Variants in KCNMB4 observed in about 807,000 individuals in gnomAD.
KCNMB4 encodes the protein potassium calcium-activated channel subfamily M regulatory beta subunit 4.
Under a neutral mutation model 20.7 loss-of-function variants are expected in KCNMB4, and 3 were observed. That is an observed-to-expected ratio of 0.14 (90% CI 0.07 to 0.37). The LOEUF is 0.37. KCNMB4 is among the 10% of genes least tolerant of loss of function. The pLI is 1.00. For synonymous variants in KCNMB4, 110 were observed against 113.4 expected (o/e 0.97, Z 0.19); for missense variants, 168 against 265.9 (o/e 0.63, Z 2.56).
intron 1 of KCNMB4, among the ~76,000 whole-genome samples, chr12:70,370,637 A>G (rs960246857): frequency 2.6e-5 from 4 of 151,888 alleles, no homozygotes; most frequent in Non-Finnish European, 5.9e-5. Flanking sequence ...AGTCGGTATA[A>G]AAGGAAATTC....
chr12:70,395,190 T>C (rs1282333203), intron 1 of KCNMB4, among the ~76,000 whole-genome samples: 1 of 147,856 alleles, frequency 6.8e-6, no homozygotes. Flanking sequence ...TATTTGGAAA[T>C]CATTTAATCA....
At chr12:70,423,822 C>T (rs1869135125) in intron 2 of KCNMB4, among the ~76,000 whole-genome samples, 1 of 152,114 alleles carries the variant, frequency 6.6e-6, no homozygotes, top group Admixed American at 6.5e-5. Context: ...TTGGTAGACC[C>T]CAGTGGGCAA....
chr12:70,380,454 G>A (rs971366865), intron 1 of KCNMB4, among the ~76,000 whole-genome samples: 1 of 151,948 alleles, frequency 6.6e-6, no homozygotes, highest in Non-Finnish European at 1.5e-5. Flanking sequence ...GCATGCTGTT[G>A]GAAAAAATGG....
Position 70,409,832 on chromosome 12 carries a change from C to T in KCNMB4, c.464+9496C>T, listed in dbSNP as rs185769777. ...AAAAAGAGCTTGGTGGTTTTAGGTA[C>T]TGGAAGGCCAGTGTGTCAGGAGAAC... On this transcript the variant is annotated intron_variant, in intron 2 of 2. Coordinates refer to ENST00000258111, the MANE Select transcript of KCNMB4 (RefSeq NM_014505.6). 1.2e-4 allele frequency among the ~76,000 whole-genome samples: 19 copies of T among 152,306 alleles called. No homozygotes were observed. In the East Asian group the frequency reaches 3.5e-3, roughly 28 times the overall value.
chr12:70,383,169 A>G (rs894190167), intron 1 of KCNMB4, among the ~76,000 whole-genome samples: 1 of 152,252 alleles, frequency 6.6e-6, no homozygotes, highest in African/African-American at 2.4e-5. Context: ...GATCATAACT[A>G]TGTAAGGTGA....
At chr12:70,400,477 T>C in intron 2 of KCNMB4, 141 bp downstream of exon 2, 1 of 818,844 alleles carries the variant, frequency 1.2e-6, no homozygotes, top group Non-Finnish European at 1.9e-6. Context: ...GAAACCCATA[T>C]AATGAATCTG....
At chr12:70,420,886 G>A (rs1000328984) in intron 2 of KCNMB4, among the ~76,000 whole-genome samples, 8 of 151,780 alleles carry the variant, frequency 5.3e-5, no homozygotes, top group African/African-American at 9.7e-5. Context: ...GTGAAACCCC[G>A]TCTCTACTAA....
chr12:70,414,442 C>T (rs888107146), intron 2 of KCNMB4, among the ~76,000 whole-genome samples: 2 of 152,108 alleles, frequency 1.3e-5, no homozygotes, highest in African/African-American at 4.8e-5. Flanking sequence ...TAGGGAGGAG[C>T]AGTGTCAGGA....
chr12:70,381,207 C>T (rs1340118442), intron 1 of KCNMB4, among the ~76,000 whole-genome samples: 3 of 151,988 alleles, frequency 2.0e-5, no homozygotes, highest in Admixed American at 6.6e-5. Context: ...AATACCACTT[C>T]AGATCCATTA....
chr12:70,399,087 C>G (rs575909722), intron 1 of KCNMB4, among the ~76,000 whole-genome samples: 1 of 152,210 alleles, frequency 6.6e-6, no homozygotes, highest in African/African-American at 2.4e-5. Context: ...ATGGCTGCAT[C>G]CCAGAATTAA....
Position 70,405,505 on chromosome 12 carries a change from G to A in KCNMB4, c.464+5169G>A, listed in dbSNP as rs558399549. The stretch of plus-strand genomic sequence containing the variant: ...AAAAGACAGGTATTGGTGAGGATAC[G>A]GACAAATTGGAACCCTTGCATACCG... On this transcript the variant is annotated intron_variant, in intron 2 of 2. Coordinates refer to ENST00000258111, the MANE Select transcript of KCNMB4 (RefSeq NM_014505.6). Among the ~76,000 whole-genome samples, 364 of 152,240 alleles carry A rather than the reference G, an allele frequency of 2.4e-3. 1 individual carries two copies. The highest frequency in any genetic ancestry group is 8.4e-3 in the African/African-American group (350 of 41,548).
intron 1 of KCNMB4, among the ~76,000 whole-genome samples, chr12:70,394,487 C>A (rs1278733225): frequency 6.6e-6 from 1 of 152,134 alleles, no homozygotes; most frequent in Non-Finnish European, 1.5e-5. Context: ...ATTTAGCTTT[C>A]AGATGTGGAT....
chr12:70,422,710 T>A (rs1395312503), intron 2 of KCNMB4: 27 of 1,289,176 alleles, frequency 2.1e-5, no homozygotes, highest in Non-Finnish European at 2.7e-5. Context: ...TTTGCAGGTC[T>A]TGATGATTAC....
chr12:70,391,877 T>C (rs710656), intron 1 of KCNMB4, among the ~76,000 whole-genome samples: 86,623 of 152,032 alleles, frequency 0.57, 26,004 homozygotes, highest in African/African-American at 0.77. Flanking sequence ...AAGCTAGACC[T>C]CCACCTCTCA....
intron 1 of KCNMB4, among the ~76,000 whole-genome samples, chr12:70,390,566 A>G (rs2136124542): frequency 6.6e-6 from 1 of 151,242 alleles, no homozygotes; most frequent in African/African-American, 2.5e-5. Flanking sequence ...CTTGTTTGTT[A>G]TTGAAGCCAC....
At chr12:70,389,865 T>C (rs1868285960) in intron 1 of KCNMB4, among the ~76,000 whole-genome samples, 1 of 152,172 alleles carries the variant, frequency 6.6e-6, no homozygotes, top group Admixed American at 6.5e-5. Context: ...TTTGTTTTGT[T>C]GGAGTACATC....
chr12:70,379,703 T>A (rs2136118788), intron 1 of KCNMB4, among the ~76,000 whole-genome samples: 1 of 152,360 alleles, frequency 6.6e-6, no homozygotes, highest in Admixed American at 6.5e-5. Flanking sequence ...TGAGCCACCA[T>A]GCCCAGCCCA....
chr12:70,426,623 TACAG>T (rs1365800890), intron 2 of KCNMB4, among the ~76,000 whole-genome samples: 3 of 152,224 alleles, frequency 2.0e-5, no homozygotes, highest in Admixed American at 1.3e-4. Flanking sequence ...TAAAAAATCT[TACAG>T]ACAGGGTTTC....
At chr12:70,380,506 C>T (rs1883764032) in intron 1 of KCNMB4, among the ~76,000 whole-genome samples, 1 of 152,100 alleles carries the variant, frequency 6.6e-6, no homozygotes, top group African/African-American at 2.4e-5. Context: ...AACCTTCCAT[C>T]TGTAAAAGAA....
Sources: allele counts gnomAD v4.1 joint callset (sites outside exome capture counted in the v4.1 genomes callset), GRCh38; gene constraint gnomAD v4.1.1; transcripts MANE v1.5; gene names NCBI Gene and HGNC (gene_info 2026-07-23, HGNC 2026-07-21).